Variants in AGMO observed in about 807,000 individuals in gnomAD.
The protein encoded by AGMO is glyceryl-ether monooxygenase.
A neutral mutation model predicts 60.2 loss-of-function variants in AGMO; 75 were observed. The observed-to-expected ratio is 1.25, with a 90% CI of 1.03 to 1.51. The LOEUF is 1.51. AGMO is among the 40% of genes most tolerant of loss of function. The pLI is 0.00. For missense variants in AGMO, 763 were observed against 525.5 expected (o/e 1.45, Z -4.42); for synonymous variants, 261 against 177.1 (o/e 1.47, Z -3.76).
intron 12 of AGMO, among the ~76,000 whole-genome samples, chr7:15,321,413 G>C (rs1370862485): frequency 6.6e-6 from 1 of 152,138 alleles, no homozygotes; most frequent in Non-Finnish European, 1.5e-5. Context: ...ACAATAGTGA[G>C]AATCTGTTGG....
intron 10 of AGMO, among the ~76,000 whole-genome samples, chr7:15,367,856 A>G (rs574883263): frequency 4.6e-5 from 7 of 152,234 alleles, no homozygotes; most frequent in African/African-American, 1.7e-4. Context: ...TCCCCTTGAA[A>G]TGAATATAAG....
At chr7:15,518,107 C>T (rs777067477) in intron 3 of AGMO, among the ~76,000 whole-genome samples, 3 of 152,188 alleles carry the variant, frequency 2.0e-5, no homozygotes, top group Non-Finnish European at 4.4e-5. Context: ...GCCAGACTGC[C>T]TCTCTAGATT....
intron 3 of AGMO, among the ~76,000 whole-genome samples, chr7:15,440,175 AAGTACC>A (rs1353578546): frequency 6.6e-6 from 1 of 152,124 alleles, no homozygotes; most frequent in Non-Finnish European, 1.5e-5. Context: ...TATGTCCAAT[AAGTACC>A]AGTGTTTCCA....
At chr7:15,224,710 C>T (rs1332721022) in intron 12 of AGMO, among the ~76,000 whole-genome samples, 3 of 151,984 alleles carry the variant, frequency 2.0e-5, no homozygotes, top group Non-Finnish European at 4.4e-5. Flanking sequence ...ATTGTTTGAG[C>T]ACCAACCACT....
At chr7:15,381,243 A>G (rs184473120) in intron 10 of AGMO, among the ~76,000 whole-genome samples, 106 of 152,280 alleles carry the variant, frequency 7.0e-4, no homozygotes, top group South Asian at 2.1e-3. Flanking sequence ...TGAACAGACA[A>G]CCTACAGAAT....
chr7:15,511,433 G>A (rs1483619439), intron 3 of AGMO, among the ~76,000 whole-genome samples: 2 of 152,010 alleles, frequency 1.3e-5, no homozygotes, highest in Admixed American at 6.6e-5. Flanking sequence ...ACTTTCTTTG[G>A]GGACCTGCTG....
At chr7:15,341,880 T>C (rs1042951472) in intron 12 of AGMO, among the ~76,000 whole-genome samples, 5 of 151,918 alleles carry the variant, frequency 3.3e-5, no homozygotes, top group African/African-American at 1.2e-4. Context: ...TCAGATCTCG[T>C]GAGACATATT....
rs1782051109 is a variant in AGMO at position 15,346,816 on chromosome 7, T to C, written c.1263+18698A>G. Among the ~76,000 whole-genome samples the C allele has an allele frequency of 3.9e-5, 6 of 151,990 alleles. No homozygotes were observed. The South Asian group carries it at 1.2e-3, about 32-fold the overall frequency. On this transcript the variant is annotated intron_variant, in intron 12 of 12. Transcript: ENST00000342526. ...TTGTCTGAATTGAACTGTATCTTAT[T>C]ATTATGATTTTAAAATTAGAACTTG... is the stretch of plus-strand genomic sequence containing the variant.
At chr7:15,373,522 T>G (rs1783312606) in intron 10 of AGMO, among the ~76,000 whole-genome samples, 1 of 152,106 alleles carries the variant, frequency 6.6e-6, no homozygotes, top group Admixed American at 6.6e-5. Flanking sequence ...CCACAGATAT[T>G]ATAAAGAAGA....
chr7:15,218,924 T>C (rs1307563129), intron 12 of AGMO, among the ~76,000 whole-genome samples: 2 of 152,142 alleles, frequency 1.3e-5, no homozygotes, highest in Non-Finnish European at 1.5e-5. Context: ...CTGAATAAGG[T>C]GAATCTTATT....
intron 3 of AGMO, among the ~76,000 whole-genome samples, chr7:15,514,628 G>A (rs536851247): frequency 9.9e-5 from 15 of 152,082 alleles, no homozygotes; most frequent in African/African-American, 3.6e-4. Context: ...CCTTAAGAGA[G>A]TATATGAATA....
intron 12 of AGMO, among the ~76,000 whole-genome samples, chr7:15,269,688 G>A (rs1783538226): frequency 1.3e-5 from 2 of 151,978 alleles, no homozygotes; most frequent in African/African-American, 4.8e-5. Context: ...TGGGGATTGG[G>A]CTTCTAGTGT....
At chr7:15,139,947 G>C in the AGMO span, among the ~76,000 whole-genome samples, 1 of 150,436 alleles carries the variant, frequency 6.6e-6, no homozygotes, top group East Asian at 1.9e-4. Flanking sequence ...TATATTATAT[G>C]TTAGAACCTT....
At chr7:15,123,001 G>A in the AGMO span, among the ~76,000 whole-genome samples, 2 of 152,042 alleles carry the variant, frequency 1.3e-5, no homozygotes, top group African/African-American at 4.8e-5. Flanking sequence ...TTTCTGACAT[G>A]TTTTCCTAAT....
At chr7:15,551,826 G>T (rs922860008) in intron 2 of AGMO, among the ~76,000 whole-genome samples, 2 of 152,002 alleles carry the variant, frequency 1.3e-5, no homozygotes, top group African/African-American at 4.8e-5. Flanking sequence ...CTACTTTAAA[G>T]TTCATATGGA....
intron 5 of AGMO, among the ~76,000 whole-genome samples, chr7:15,413,235 A>G: frequency 6.6e-6 from 1 of 152,198 alleles, no homozygotes. Flanking sequence ...GCTTGGAGAA[A>G]GTAGGTAAAA....
intron 12 of AGMO, among the ~76,000 whole-genome samples, chr7:15,232,801 G>GCACGCACACACA (rs1554398736): frequency 1.2e-4 from 17 of 147,124 alleles, no homozygotes; most frequent in South Asian, 8.7e-4. Flanking sequence ...ACACACACAC[G>GCACGCACACACA]CACACACACA....
chr7:15,283,141 A>G (rs916150243), intron 12 of AGMO, among the ~76,000 whole-genome samples: 1 of 152,148 alleles, frequency 6.6e-6, no homozygotes, highest in African/African-American at 2.4e-5. Context: ...ACCTCTTAAA[A>G]GCATAAAACT....
intron 12 of AGMO, among the ~76,000 whole-genome samples, chr7:15,325,132 C>A (rs1161967134): frequency 6.6e-6 from 1 of 151,976 alleles, no homozygotes; most frequent in Non-Finnish European, 1.5e-5. Context: ...GTTTATTATA[C>A]CTGATTTTAA....
Sources: allele counts gnomAD v4.1 joint callset (sites outside exome capture counted in the v4.1 genomes callset), GRCh38; gene constraint gnomAD v4.1.1; transcripts MANE v1.5; gene names NCBI Gene and HGNC (gene_info 2026-07-23, HGNC 2026-07-21).